The following MOB3B variants were observed in gnomAD, a reference collection of about 807,000 sequenced individuals.
The protein encoded by MOB3B is MOB kinase activator-like 2B.
A neutral mutation model predicts 18.7 loss-of-function variants in MOB3B; 7 were observed. The observed-to-expected ratio is 0.37, with a 90% CI of 0.21 to 0.70. The LOEUF is 0.70. MOB3B is among the 30% of genes least tolerant of loss of function. The pLI is 0.52. For synonymous variants in MOB3B, 111 were observed against 99.9 expected (o/e 1.11, Z -0.66); for missense variants, 253 against 281.3 (o/e 0.90, Z 0.72).
rs57850999 is a variant in MOB3B, at chr9:27,418,091, CA to C, written c.418+37041del. On this transcript the variant is annotated intron_variant, in intron 2 of 3. Coordinates refer to ENST00000262244, the MANE Select transcript of MOB3B (RefSeq NM_024761.5). ...TGGGAGACAGGGTGAGACTCCACCT[CA>C]AAAAAAAAAAAAAAAAAAAAGTAAT... Among the ~76,000 whole-genome samples the C allele has an allele frequency of 9.7e-3, 426 of 44,062 alleles. 6 individuals are homozygous for C. The highest frequency in any genetic ancestry group is 0.027 in the African/African-American group (390 of 14,580). 28.9% of individuals were successfully genotyped at this position (44,062 alleles called of 152,430 possible). A position where few individuals can be genotyped will look rare whatever the true frequency, so the allele number is the denominator to read the frequency against.
intron 2 of MOB3B, among the ~76,000 whole-genome samples, chr9:27,431,074 A>C (rs1822410275): frequency 1.3e-5 from 2 of 152,186 alleles, no homozygotes. Context: ...GTTAGAAAAA[A>C]TGCCTTCTGT....
At chr9:27,508,657 T>G (rs1341530257) in intron 1 of MOB3B, among the ~76,000 whole-genome samples, 1 of 152,158 alleles carries the variant, frequency 6.6e-6, no homozygotes, top group Non-Finnish European at 1.5e-5. Flanking sequence ...CAGATACCCC[T>G]AATAAATGCA....
chr9:27,364,254 C>T (rs989363526), intron 2 of MOB3B, among the ~76,000 whole-genome samples: 1 of 152,184 alleles, frequency 6.6e-6, no homozygotes, highest in East Asian at 1.9e-4. Context: ...CTACATGGCA[C>T]AAGTGACCCA....
chr9:27,461,873 T>C (rs918150795), intron 1 of MOB3B, among the ~76,000 whole-genome samples: 2 of 152,180 alleles, frequency 1.3e-5, no homozygotes, highest in African/African-American at 4.8e-5. Context: ...GGACACTTAG[T>C]GGTGAGAAAG....
At chr9:27,487,091 A>G (rs1022686724) in intron 1 of MOB3B, among the ~76,000 whole-genome samples, 1 of 152,020 alleles carries the variant, frequency 6.6e-6, no homozygotes, top group African/African-American at 2.4e-5. Context: ...AGGTCTCACC[A>G]TTGCACTCCA....
At chr9:27,390,001 A>C (rs17835640) in intron 2 of MOB3B, among the ~76,000 whole-genome samples, 6,562 of 152,266 alleles carry the variant, frequency 0.043, 183 homozygotes, top group East Asian at 0.12. Flanking sequence ...ATGAAAGTAG[A>C]AGTACACCAA....
At chr9:27,499,732 C>G (rs1001251442) in intron 1 of MOB3B, among the ~76,000 whole-genome samples, 3 of 152,044 alleles carry the variant, frequency 2.0e-5, no homozygotes, top group Non-Finnish European at 2.9e-5. Context: ...CAAGTCACAG[C>G]AGGAAATGAA....
chr9:27,481,771 C>A (rs1419738311), intron 1 of MOB3B, among the ~76,000 whole-genome samples: 1 of 151,900 alleles, frequency 6.6e-6, no homozygotes, highest in Non-Finnish European at 1.5e-5. Flanking sequence ...ATGATCTGCC[C>A]GCCTCGGCCT....
At chr9:27,450,125 T>G (rs1483808857) in intron 2 of MOB3B, among the ~76,000 whole-genome samples, 1 of 152,160 alleles carries the variant, frequency 6.6e-6, no homozygotes, top group Non-Finnish European at 1.5e-5. Flanking sequence ...TGAGGGAGGA[T>G]GAGACTCAGC....
chr9:27,355,523 T>C (rs1312144404), intron 3 of MOB3B, among the ~76,000 whole-genome samples: 2 of 152,232 alleles, frequency 1.3e-5, no homozygotes, highest in Non-Finnish European at 2.9e-5. Context: ...TCAGACTGTA[T>C]TGTAAATTTC....
intron 2 of MOB3B, among the ~76,000 whole-genome samples, chr9:27,362,541 G>C (rs1198739729): frequency 2.6e-5 from 4 of 152,122 alleles, no homozygotes; most frequent in Admixed American, 2.6e-4. Context: ...TGGCTGCTAA[G>C]TCAGGCCCCA....
intron 1 of MOB3B, among the ~76,000 whole-genome samples, chr9:27,498,163 A>C (rs1819929292): frequency 6.6e-6 from 1 of 152,148 alleles, no homozygotes; most frequent in Non-Finnish European, 1.5e-5. Flanking sequence ...TGTAGCCTCT[A>C]TGGTGTTCTC....
Position 27,455,628 on chromosome 9 carries a change from A to G in MOB3B, c.-78T>C. On this transcript the variant is annotated 5_prime_UTR_variant, in exon 2 of 4. Coordinates refer to ENST00000262244, the MANE Select transcript of MOB3B (RefSeq NM_024761.5). ...CTTTTCAGGGAGAGATCACAGCCCA[A>G]CAGTGTTTTCCACTGCCAGCACTCA... The G allele has an allele frequency of 6.3e-7, 1 of 1,595,862 alleles. No homozygotes were observed. Among genetic ancestry groups the G allele is most frequent in the African/African-American group, 1.3e-5 (1 of 74,438 alleles).
intron 2 of MOB3B, among the ~76,000 whole-genome samples, chr9:27,423,904 A>C (rs1195819707): frequency 6.6e-6 from 1 of 152,226 alleles, no homozygotes; most frequent in Non-Finnish European, 1.5e-5. Flanking sequence ...AACTATACGA[A>C]GGAGGTGCTA....
chr9:27,424,006 C>T (rs1363036801), intron 2 of MOB3B, among the ~76,000 whole-genome samples: 1 of 152,194 alleles, frequency 6.6e-6, no homozygotes, highest in African/African-American at 2.4e-5. Flanking sequence ...GGAATTAGGA[C>T]ATGAACCTAG....
At chr9:27,330,718 A>G in intron 3 of MOB3B, 102 bp from the exon 4 acceptor site, 16 of 1,522,228 alleles carry the variant, frequency 1.1e-5, no homozygotes, top group Non-Finnish European at 1.4e-5. Context: ...GAGCCTGTAA[A>G]TGAAAGCTTG....
chr9:27,360,275 A>G (rs1441740225), intron 2 of MOB3B, among the ~76,000 whole-genome samples: 1 of 152,188 alleles, frequency 6.6e-6, no homozygotes, highest in Non-Finnish European at 1.5e-5. Context: ...AGGCTGAGGC[A>G]GGCAGATTGC....
intron 1 of MOB3B, among the ~76,000 whole-genome samples, chr9:27,469,257 AG>A (rs1446482353): frequency 1.3e-5 from 2 of 152,040 alleles, no homozygotes; most frequent in Non-Finnish European, 2.9e-5. Context: ...GATGAGTCAC[AG>A]TGCCTGGCTG....
At chr9:27,345,247 G>A (rs1339017182) in intron 3 of MOB3B, among the ~76,000 whole-genome samples, 2 of 152,064 alleles carry the variant, frequency 1.3e-5, no homozygotes, top group South Asian at 2.1e-4. Flanking sequence ...TCTAAATGTG[G>A]GCACTGTGGA....
Sources: gnomAD v4.1 joint callset for allele counts (sites outside exome capture counted in the v4.1 genomes callset) on GRCh38, gnomAD v4.1.1 for gene constraint, MANE v1.5 for transcripts, NCBI Gene and HGNC (gene_info 2026-07-23, HGNC 2026-07-21) for gene names.